PVT1: variants seen among roughly 807,000 people sequenced by gnomAD.
The protein encoded by PVT1 is CXCR4/PVT1 fusion.
intron 4 of PVT1, among the ~76,000 whole-genome samples, chr8:128,045,540 G>A (rs1409405051): frequency 1.3e-5 from 2 of 152,178 alleles, no homozygotes; most frequent in African/African-American, 4.8e-5. Flanking sequence ...AGAACCAGCT[G>A]TCTGCACGCA....
intron 2 of PVT1, among the ~76,000 whole-genome samples, chr8:127,801,034 G>A (rs1814459296): frequency 1.3e-5 from 2 of 152,144 alleles, no homozygotes; most frequent in Admixed American, 1.3e-4. Flanking sequence ...CAGGCTCTGG[G>A]AAGAGCTAGG....
At chr8:128,079,660 A>G (rs541971595) in intron 5 of PVT1, among the ~76,000 whole-genome samples, 24 of 152,280 alleles carry the variant, frequency 1.6e-4, no homozygotes, top group African/African-American at 5.3e-4. Context: ...GCAACCCACT[A>G]ATCTCCATAG....
chr8:128,063,605 A>G (rs1364243108), intron 4 of PVT1, among the ~76,000 whole-genome samples: 1 of 152,208 alleles, frequency 6.6e-6, no homozygotes, highest in Non-Finnish European at 1.5e-5. Context: ...GTGTGGCTCA[A>G]GCCAGGCAGA....
chr8:127,990,375 G>A (rs185255620), intron 4 of PVT1, among the ~76,000 whole-genome samples: 3 of 152,324 alleles, frequency 2.0e-5, no homozygotes, highest in Admixed American at 6.5e-5. Context: ...GTGCCTGACC[G>A]AGGGTGAAAC....
chr8:128,010,358 T>C (rs1460999324), intron 4 of PVT1: 1 of 152,236 alleles, frequency 6.6e-6, no homozygotes, highest in Non-Finnish European at 1.5e-5. Context: ...TCCCAAGACA[T>C]GTGACAGAGT....
At chr8:128,050,515 A>G (rs181314291) in intron 4 of PVT1, among the ~76,000 whole-genome samples, 11 of 152,278 alleles carry the variant, frequency 7.2e-5, no homozygotes, top group Non-Finnish European at 1.0e-4. Flanking sequence ...CTTGTCTTTT[A>G]AACACTACTT....
chr8:128,087,925 T>G (rs1334372354), intron 5 of PVT1, among the ~76,000 whole-genome samples: 1 of 151,532 alleles, frequency 6.6e-6, no homozygotes, highest in Non-Finnish European at 1.5e-5. Context: ...CACCCGGCTA[T>G]TTTTTGTGTT....
At chr8:127,835,651 A>G (rs1036827953) in intron 2 of PVT1, among the ~76,000 whole-genome samples, 7 of 152,148 alleles carry the variant, frequency 4.6e-5, no homozygotes, top group African/African-American at 1.7e-4. Flanking sequence ...CCCTATCTCC[A>G]GGCTTCCCAT....
At chr8:128,073,294 A>T (rs1367339989) in intron 5 of PVT1, among the ~76,000 whole-genome samples, 1 of 152,174 alleles carries the variant, frequency 6.6e-6, no homozygotes, top group Non-Finnish European at 1.5e-5. Flanking sequence ...CTGCATAACT[A>T]GTAACTCGAA....
At chr8:127,896,327 C>T (rs1815674464) in intron 3 of PVT1, among the ~76,000 whole-genome samples, 1 of 152,188 alleles carries the variant, frequency 6.6e-6, no homozygotes, top group East Asian at 1.9e-4. Flanking sequence ...GTATTGGACA[C>T]ACTGTTCCAT....
chr8:127,968,081 G>C (rs545519767), intron 3 of PVT1, among the ~76,000 whole-genome samples: 1 of 152,202 alleles, frequency 6.6e-6, no homozygotes, highest in African/African-American at 2.4e-5. Context: ...AATGTTTATG[G>C]AAGGTCTGCC....
intron 2 of PVT1, among the ~76,000 whole-genome samples, chr8:127,849,154 G>C (rs542633591): frequency 2.6e-5 from 4 of 152,148 alleles, no homozygotes; most frequent in Admixed American, 1.3e-4. Context: ...CAAAGACAAG[G>C]GAAGGGGGTT....
At chr8:128,067,896 G>C (rs1398013432) in intron 4 of PVT1, among the ~76,000 whole-genome samples, 1 of 151,556 alleles carries the variant, frequency 6.6e-6, no homozygotes, top group Admixed American at 6.6e-5. Flanking sequence ...TTCATTTTCT[G>C]CCTTTCCTCT....
chr8:127,938,150 A>T (rs929455744), intron 3 of PVT1, among the ~76,000 whole-genome samples: 8 of 152,092 alleles, frequency 5.3e-5, no homozygotes, highest in African/African-American at 1.9e-4. Flanking sequence ...TAGGGCTGGG[A>T]TGGGGGTGGT....
chr8:127,969,884 G>T (rs1446287941), intron 3 of PVT1, among the ~76,000 whole-genome samples: 1 of 152,222 alleles, frequency 6.6e-6, no homozygotes, highest in Non-Finnish European at 1.5e-5. Context: ...CAGGACAAAA[G>T]CTTGTCTGCA....
chr8:127,818,565 T>C (rs1464072566), intron 2 of PVT1, among the ~76,000 whole-genome samples: 1 of 152,184 alleles, frequency 6.6e-6, no homozygotes, highest in East Asian at 1.9e-4. Flanking sequence ...GTTATTCAGA[T>C]ATTCGGTGAG....
intron 4 of PVT1, among the ~76,000 whole-genome samples, chr8:128,044,674 C>T (rs1469266512): frequency 6.6e-6 from 1 of 152,224 alleles, no homozygotes. Flanking sequence ...CCAGAAAGAT[C>T]CTTACCTTGA....
At chr8:127,850,598 A>G (rs187853351) in intron 2 of PVT1, among the ~76,000 whole-genome samples, 11 of 152,364 alleles carry the variant, frequency 7.2e-5, no homozygotes, top group Non-Finnish European at 1.5e-4. Flanking sequence ...TTTGCCTGAC[A>G]TAATTGGTGT....
At chr8:127,883,749 G>A (rs1267372124) in intron 2 of PVT1, among the ~76,000 whole-genome samples, 1 of 152,230 alleles carries the variant, frequency 6.6e-6, no homozygotes. Context: ...GAGAGAGATG[G>A]AGCCAAGAGA....
Sources: gnomAD v4.1 joint callset for allele counts (sites outside exome capture counted in the v4.1 genomes callset) on GRCh38, gnomAD v4.1.1 for gene constraint, MANE v1.5 for transcripts, NCBI Gene and HGNC (gene_info 2026-07-23, HGNC 2026-07-21) for gene names.